The following CACNB2 variants were observed in gnomAD, a reference collection of about 807,000 sequenced individuals.
CACNB2 encodes the protein calcium voltage-gated channel auxiliary subunit beta 2, also known as voltage-dependent L-type calcium channel subunit beta-2.
Under a neutral mutation model 73.3 loss-of-function variants are expected in CACNB2, and 42 were observed. The ratio of observed to expected loss-of-function variants is 0.57; its 90% CI spans 0.45 to 0.74. The LOEUF (loss-of-function observed/expected upper bound fraction) is 0.74. Among genes scored for constraint, CACNB2 ranks in the 30% least tolerant of loss-of-function variants. CACNB2 has a pLI of 0.00. For missense variants in CACNB2, 940 were observed against 853.0 expected (o/e 1.10, Z -1.27); for synonymous variants, 348 against 310.3 (o/e 1.12, Z -1.28).
chr10:18,433,979 C>T (rs2046012297), intron 3 of CACNB2, among the ~76,000 whole-genome samples: 1 of 152,040 alleles, frequency 6.6e-6, no homozygotes, highest in Non-Finnish European at 1.5e-5. Context: ...GTATTCCTAT[C>T]CATTCCAGCA....
chr10:18,152,690 T>C (rs911792738), intron 2 of CACNB2, among the ~76,000 whole-genome samples: 21 of 121,978 alleles, frequency 1.7e-4, no homozygotes, highest in African/African-American at 6.5e-4. Flanking sequence ...TGAGTCATCA[T>C]GCAGGACCTG....
At chr10:18,452,863 T>G (rs2047080935) in intron 3 of CACNB2, among the ~76,000 whole-genome samples, 1 of 152,232 alleles carries the variant, frequency 6.6e-6, no homozygotes, top group South Asian at 2.1e-4. Flanking sequence ...CTTACTGGAC[T>G]ATACCTTAGT....
intron 2 of CACNB2, among the ~76,000 whole-genome samples, chr10:18,264,160 G>C (rs748334541): frequency 9.9e-5 from 15 of 152,072 alleles, no homozygotes; most frequent in Non-Finnish European, 1.9e-4. Context: ...ACTCTTTTTG[G>C]TAAGCTTTTT....
At chr10:18,376,621 G>A (rs1037666516) in intron 2 of CACNB2, among the ~76,000 whole-genome samples, 10 of 152,182 alleles carry the variant, frequency 6.6e-5, no homozygotes, top group Admixed American at 2.0e-4. Context: ...TTTAGGGTGA[G>A]GAGGCTTATC....
At chr10:18,452,468 T>A (rs758978526) in intron 3 of CACNB2, among the ~76,000 whole-genome samples, 6 of 152,108 alleles carry the variant, frequency 3.9e-5, no homozygotes, top group East Asian at 3.9e-4. Context: ...TAAAAAAAAA[T>A]TATCTAGCTA....
chr10:18,417,352 T>TA (rs1217753483), intron 3 of CACNB2, among the ~76,000 whole-genome samples: 1 of 138,406 alleles, frequency 7.2e-6, no homozygotes, highest in African/African-American at 2.7e-5. Context: ...AATCTTGAGC[T>TA]AAAAATTCTT....
intron 2 of CACNB2, among the ~76,000 whole-genome samples, chr10:18,355,705 C>T (rs189696493): frequency 2.7e-5 from 4 of 150,836 alleles, no homozygotes; most frequent in Admixed American, 2.6e-4. Flanking sequence ...GGCGCGATCT[C>T]GGCTCGCTGC....
intron 3 of CACNB2, among the ~76,000 whole-genome samples, chr10:18,437,307 C>G (rs2046184835): frequency 6.6e-6 from 1 of 152,052 alleles, no homozygotes; most frequent in Admixed American, 6.6e-5. Context: ...AGGGATACTT[C>G]TAAGTTAGTG....
At chr10:18,218,607 C>A (rs952907119) in intron 2 of CACNB2, among the ~76,000 whole-genome samples, 1 of 152,154 alleles carries the variant, frequency 6.6e-6, no homozygotes, top group Non-Finnish European at 1.5e-5. Flanking sequence ...CTGGGCAGGG[C>A]ACAGTGGCTC....
At chr10:18,360,559 T>G (rs1426379805) in intron 2 of CACNB2, among the ~76,000 whole-genome samples, 3 of 152,226 alleles carry the variant, frequency 2.0e-5, no homozygotes, top group Admixed American at 2.0e-4. Context: ...ATGCTGTGTT[T>G]CTAATAATTC....
chr10:18,519,550 C>T (rs941570329), intron 9 of CACNB2, among the ~76,000 whole-genome samples: 2 of 152,180 alleles, frequency 1.3e-5, no homozygotes, highest in African/African-American at 4.8e-5. Flanking sequence ...ATTCCCCATC[C>T]CCTCTCTGCT....
intron 2 of CACNB2, among the ~76,000 whole-genome samples, chr10:18,215,615 A>G (rs1219421661): frequency 6.6e-6 from 1 of 152,206 alleles, no homozygotes; most frequent in African/African-American, 2.4e-5. Context: ...TTTTATGGCT[A>G]TGCATGTTCT....
At chr10:18,323,373 A>G (rs2040466137) in intron 2 of CACNB2, among the ~76,000 whole-genome samples, 1 of 148,306 alleles carries the variant, frequency 6.7e-6, no homozygotes, top group South Asian at 2.2e-4. Context: ...CTAAGTATAT[A>G]TTTTTTGAGG....
chr10:18,500,101 C>G (rs1336681858), intron 4 of CACNB2, among the ~76,000 whole-genome samples: 1 of 152,044 alleles, frequency 6.6e-6, no homozygotes, highest in Non-Finnish European at 1.5e-5. Context: ...TCACTTTACA[C>G]CAGGAAGTTA....
chr10:18,297,863 A>G (rs2131813263), intron 2 of CACNB2, among the ~76,000 whole-genome samples: 1 of 152,316 alleles, frequency 6.6e-6, no homozygotes, highest in East Asian at 1.9e-4. Context: ...CTGCAGCGCA[A>G]ATGTGCTTCC....
At chr10:18,173,711 C>A (rs1168992983) in intron 2 of CACNB2, among the ~76,000 whole-genome samples, 1 of 152,118 alleles carries the variant, frequency 6.6e-6, no homozygotes, top group African/African-American at 2.4e-5. Context: ...CTTCTTCTAA[C>A]CTTTTAGTAT....
chr10:18,515,710 C>A (rs1193703504), intron 7 of CACNB2, among the ~76,000 whole-genome samples: 1 of 152,200 alleles, frequency 6.6e-6, no homozygotes, highest in African/African-American at 2.4e-5. Flanking sequence ...TTTCTGGGGT[C>A]CGATCTTCTT....
chr10:18,303,334 C>T (rs561783859), intron 2 of CACNB2, among the ~76,000 whole-genome samples: 27 of 152,158 alleles, frequency 1.8e-4, no homozygotes, highest in African/African-American at 6.3e-4. Flanking sequence ...AAGACGTCAT[C>T]TCTGCAAATA....
At chr10:18,518,782 C>T in intron 8 of CACNB2, 128 bp from the exon 9 acceptor site, 1 of 821,612 alleles carries the variant, frequency 1.2e-6, no homozygotes, top group Non-Finnish European at 2.1e-6. Context: ...ATGCGGCAAC[C>T]TCATATTGCC....
Sources: gnomAD v4.1 joint callset for allele counts (sites outside exome capture counted in the v4.1 genomes callset) on GRCh38, gnomAD v4.1.1 for gene constraint, MANE v1.5 for transcripts, NCBI Gene and HGNC (gene_info 2026-07-23, HGNC 2026-07-21) for gene names.